Variants in HMGCLL1 observed in about 807,000 individuals in gnomAD.
HMGCLL1 encodes the protein 3-hydroxy-3-methylglutaryl-CoA lyase like 1, also known as 3-hydroxymethyl-3-methylglutaryl-CoA lyase, cytoplasmic.
Under a neutral mutation model 39.1 loss-of-function variants are expected in HMGCLL1, and 36 were observed. The ratio of observed to expected loss-of-function variants is 0.92; its 90% CI spans 0.71 to 1.22. HMGCLL1 has a LOEUF of 1.22. Ranked by LOEUF, HMGCLL1 falls within the 50% of genes most tolerant of loss-of-function variation. HMGCLL1 has a pLI of 0.00. For missense variants in HMGCLL1, 451 were observed against 416.5 expected (o/e 1.08, Z -0.72); for synonymous variants, 149 against 144.0 (o/e 1.03, Z -0.25).
At chr6:55,606,245 A>G in the HMGCLL1 span, among the ~76,000 whole-genome samples, 4 of 152,202 alleles carry the variant, frequency 2.6e-5, no homozygotes, top group African/African-American at 9.6e-5. Flanking sequence ...AATCCAAACA[A>G]TAAGTAAAAA....
Position 55,465,074 on chromosome 6 carries a change from A to C in HMGCLL1, c.796-25515T>G, listed in dbSNP as rs556488586. 1.9e-4 allele frequency among the ~76,000 whole-genome samples: 29 copies of C among 152,278 alleles called. No homozygotes were observed. The South Asian group carries it at 6.0e-3, about 32-fold the overall frequency. On this transcript the variant is annotated intron_variant, in intron 7 of 8. Transcript: ENST00000274901. ...TAGTCATTTATTCTGATTTATTTGT[A>C]TTTCTTTCAAAAACATTTTGGAATT...
intron 1 of HMGCLL1, among the ~76,000 whole-genome samples, chr6:55,560,580 T>A (rs1770897386): frequency 6.6e-6 from 1 of 152,112 alleles, no homozygotes; most frequent in Non-Finnish European, 1.5e-5. Context: ...CTCCCTCACA[T>A]CCTAACACCT....
the HMGCLL1 span, among the ~76,000 whole-genome samples, chr6:55,633,882 TG>T: frequency 6.6e-6 from 1 of 152,214 alleles, no homozygotes; most frequent in African/African-American, 2.4e-5. Context: ...GCCGAAAAAT[TG>T]TTTTTAAGTC....
intron 7 of HMGCLL1, among the ~76,000 whole-genome samples, chr6:55,478,251 C>G (rs1010548216): frequency 1.3e-5 from 2 of 151,180 alleles, no homozygotes; most frequent in African/African-American, 2.4e-5. Context: ...TACCTTCTCA[C>G]CTCTCCGTAT....
At chr6:55,446,733 A>C (rs148538893) in intron 7 of HMGCLL1, among the ~76,000 whole-genome samples, 30 of 152,106 alleles carry the variant, frequency 2.0e-4, no homozygotes, top group African/African-American at 6.0e-4. Context: ...AACCCAAATA[A>C]AATGAATACA....
chr6:55,450,924 T>G (rs1764052809), intron 7 of HMGCLL1, among the ~76,000 whole-genome samples: 1 of 152,190 alleles, frequency 6.6e-6, no homozygotes, highest in South Asian at 2.1e-4. Context: ...CCCTGAAGCT[T>G]TTGTAGAAAA....
At chr6:55,561,096 A>G (rs1366186766) in intron 1 of HMGCLL1, among the ~76,000 whole-genome samples, 1 of 152,188 alleles carries the variant, frequency 6.6e-6, no homozygotes, top group Non-Finnish European at 1.5e-5. Context: ...TTAACAGTTC[A>G]TTTCAGCAGC....
chr6:55,571,968 A>G (rs558318864), intron 1 of HMGCLL1, among the ~76,000 whole-genome samples: 17 of 152,308 alleles, frequency 1.1e-4, no homozygotes, highest in Admixed American at 7.8e-4. Context: ...TAATTTTTAA[A>G]AAGACTAAAA....
chr6:55,557,483 A>T (rs1042246049), intron 1 of HMGCLL1, among the ~76,000 whole-genome samples: 2 of 151,914 alleles, frequency 1.3e-5, no homozygotes, highest in Admixed American at 6.6e-5. Flanking sequence ...GCTTTCTAAC[A>T]CACTGACCTT....
At chr6:55,631,723 C>A in the HMGCLL1 span, among the ~76,000 whole-genome samples, 21 of 152,066 alleles carry the variant, frequency 1.4e-4, 1 homozygote, top group Admixed American at 1.3e-3. Context: ...TTACTGGGCA[C>A]CTTCTCCACA....
intron 1 of HMGCLL1, among the ~76,000 whole-genome samples, chr6:55,578,264 G>A (rs1234315844): frequency 6.6e-6 from 1 of 152,020 alleles, no homozygotes; most frequent in African/African-American, 2.4e-5. Flanking sequence ...AGTTTTTTAA[G>A]GAAAAAGTTA....
chr6:55,673,889 A>G, the HMGCLL1 span, among the ~76,000 whole-genome samples: 1 of 151,942 alleles, frequency 6.6e-6, no homozygotes, highest in Non-Finnish European at 1.5e-5. Context: ...TTATAGATTG[A>G]GAGACTTAGG....
the HMGCLL1 span, among the ~76,000 whole-genome samples, chr6:55,675,491 CAA>C: frequency 6.6e-6 from 1 of 152,096 alleles, no homozygotes; most frequent in African/African-American, 2.4e-5. Flanking sequence ...TGGCCATATT[CAA>C]ACTGACTGAA....
the HMGCLL1 span, among the ~76,000 whole-genome samples, chr6:55,627,149 A>G: frequency 6.6e-6 from 1 of 151,936 alleles, no homozygotes; most frequent in Non-Finnish European, 1.5e-5. Context: ...CATCAATACC[A>G]GCTATGACCA....
At chr6:55,641,853 TTC>T in the HMGCLL1 span, among the ~76,000 whole-genome samples, 1 of 147,076 alleles carries the variant, frequency 6.8e-6, no homozygotes, top group Non-Finnish European at 1.5e-5. Context: ...CCTCATAATT[TTC>T]TTTTTTTTTA....
chr6:55,579,511 G>A (rs1771933024), upstream of HMGCLL1, among the ~76,000 whole-genome samples: 1 of 152,254 alleles, frequency 6.6e-6, no homozygotes, highest in African/African-American at 2.4e-5. Context: ...CTGCAGCCTT[G>A]GGTGCTCAAG....
At chr6:55,589,587 A>G in the HMGCLL1 span, among the ~76,000 whole-genome samples, 2 of 152,182 alleles carry the variant, frequency 1.3e-5, no homozygotes, top group Non-Finnish European at 1.5e-5. Flanking sequence ...AAGGGTATTC[A>G]ATTAGGAAAA....
At chr6:55,595,246 G>A in the HMGCLL1 span, among the ~76,000 whole-genome samples, 29 of 152,258 alleles carry the variant, frequency 1.9e-4, no homozygotes, top group Admixed American at 9.2e-4. Context: ...ACAAATATAA[G>A]TAGAGAGATG....
At chr6:55,514,979 G>A (rs544264815) in intron 4 of HMGCLL1, among the ~76,000 whole-genome samples, 5 of 152,034 alleles carry the variant, frequency 3.3e-5, no homozygotes, top group Non-Finnish European at 5.9e-5. Context: ...GGGAGGTCAG[G>A]TGCGGTGGCT....
Sources: gnomAD v4.1 joint callset for allele counts (sites outside exome capture counted in the v4.1 genomes callset) on GRCh38, gnomAD v4.1.1 for gene constraint, MANE v1.5 for transcripts, NCBI Gene and HGNC (gene_info 2026-07-23, HGNC 2026-07-21) for gene names.